Variants in CLDN11 observed in about 807,000 individuals in gnomAD.
CLDN11 encodes claudin 11.
In CLDN11, 1 loss-of-function variant was observed where a neutral mutation model predicts 18.0. The ratio of observed to expected loss-of-function variants is 0.06; its 90% confidence interval spans 0.02 to 0.26. The LOEUF (loss-of-function observed/expected upper bound fraction) is 0.26, where lower values mean the gene tolerates loss of function less well. CLDN11 is among the 10% of genes least tolerant of loss of function. CLDN11 has a pLI of 1.00. For missense variants in CLDN11, 172 were observed against 276.6 expected (o/e 0.62, Z 2.68); for synonymous variants, 116 against 121.5 (o/e 0.96, Z 0.30).
At chr3:170,423,520 T>C (rs10513681) in intron 2 of CLDN11, 193 bp downstream of exon 2, 18,109 of 580,924 alleles carry the variant, frequency 0.031, 1,056 homozygotes, top group African/African-American at 0.18. Context: ...GTAATGTCTC[T>C]GGGAGTCACT....
chr3:170,427,817 A>G (rs1432386358), intron 2 of CLDN11, among the ~76,000 whole-genome samples: 5 of 151,110 alleles, frequency 3.3e-5, no homozygotes. Flanking sequence ...AAAAAAAAAA[A>G]AAAAAAAGAA....
intron 1 of CLDN11, among the ~76,000 whole-genome samples, chr3:170,421,930 G>C (rs537034281): frequency 6.6e-6 from 1 of 151,994 alleles, no homozygotes; most frequent in Non-Finnish European, 1.5e-5. Context: ...TCCTTGATTC[G>C]CAATTGTTTC....
At chr3:170,428,884 AG>A (rs1186369926) in intron 2 of CLDN11, among the ~76,000 whole-genome samples, 2 of 152,232 alleles carry the variant, frequency 1.3e-5, no homozygotes, top group East Asian at 3.8e-4. Context: ...TTGACCTTAC[AG>A]GTAACTGACT....
intron 2 of CLDN11, among the ~76,000 whole-genome samples, chr3:170,429,093 C>T (rs9865021): frequency 0.42 from 64,628 of 152,086 alleles, 14,190 homozygotes; most frequent in South Asian, 0.48. Context: ...TTTAACTTTA[C>T]TGGTCAAAAC....
intron 2 of CLDN11, among the ~76,000 whole-genome samples, chr3:170,423,925 T>C (rs1316862688): frequency 6.7e-6 from 1 of 149,082 alleles, no homozygotes; most frequent in Non-Finnish European, 1.5e-5. Flanking sequence ...GGGGCGGGGG[T>C]TGCTAAGGCA....
At chr3:170,428,402 G>A (rs575997334) in intron 2 of CLDN11, among the ~76,000 whole-genome samples, 13 of 152,228 alleles carry the variant, frequency 8.5e-5, no homozygotes, top group South Asian at 4.2e-4. Context: ...AATATTTTCT[G>A]TTTGGTCACA....
chr3:170,420,331 A>G (rs1200314020), intron 1 of CLDN11, among the ~76,000 whole-genome samples: 1 of 152,080 alleles, frequency 6.6e-6, no homozygotes, highest in Non-Finnish European at 1.5e-5. Flanking sequence ...GCCTTCGTGG[A>G]TTGTGCTCAC....
intron 2 of CLDN11, among the ~76,000 whole-genome samples, chr3:170,429,636 C>A (rs1738948118): frequency 1.3e-5 from 2 of 152,126 alleles, no homozygotes. Context: ...TAAAACCTAA[C>A]AAAATCCCTA....
In CLDN11 at chr3:170,419,264, GC is replaced by G; in HGVS notation, c.202del (p.Leu68TrpfsTer17). 1 of 1,568,342 alleles carries G rather than the reference GC, an allele frequency of 6.4e-7. No homozygotes were observed. The highest frequency in any genetic ancestry group is 8.6e-7 in the Non-Finnish European group (1 of 1,156,336). ...VMATGLYHCKPLVDILILPGY... is the reference protein window; with the variant it reads ...VMATGLYHCKXLVDILILPGY... ...TGGCCACGGGGCTGTACCACTGCAA[GC>G]CCCTGGTGGACATCCTCATCCTGCC... On this transcript the variant is annotated frameshift_variant, in exon 1 of 3. Coordinates refer to ENST00000064724, the MANE Select transcript of CLDN11 (RefSeq NM_005602.6). LOFTEE classifies it high-confidence loss of function. The surrounding 1 kb of genome is among the most constrained non-coding windows in gnomAD (Gnocchi z 8.6).
rs1262117216 is a variant in CLDN11 at position 170,433,018 on chromosome 3, A to G, written c.*262A>G. ...GCCCCTATTAGCTCTTTTCTTGGGC[A>G]TTCTTTTGCTGTTTATTAAAAATAT... On this transcript the variant is annotated 3_prime_UTR_variant, in exon 3 of 3. Coordinates refer to ENST00000064724, the MANE Select transcript of CLDN11 (RefSeq NM_005602.6). The G allele has an allele frequency of 3.8e-6, 1 of 265,474 alleles. No homozygotes were observed. The highest frequency in any genetic ancestry group is 2.9e-5 in the African/African-American group (1 of 34,726). 16.4% of individuals were successfully genotyped at this position (265,474 alleles called of 1,614,324 possible).
In CLDN11 at chr3:170,434,589, C is replaced by CAGAAACTTCTGTT. The variant is rs1344889616; in HGVS notation, c.*1833_*1834insAGAAACTTCTGTT. Among the ~76,000 whole-genome samples, 1 of 152,108 alleles carries CAGAAACTTCTGTT rather than the reference C, an allele frequency of 6.6e-6. No homozygotes were observed. The highest frequency in any genetic ancestry group is 1.5e-5 in the Non-Finnish European group (1 of 68,022). ...GTTGATTTTTATTTGTTTTTCTGTT[C>CAGAAACTTCTGTT]CAGAAACTTCATCAAGTTACGGGCC... On this transcript the variant is annotated 3_prime_UTR_variant, in exon 3 of 3. Coordinates refer to ENST00000064724, the MANE Select transcript of CLDN11 (RefSeq NM_005602.6).
At chr3:170,428,475 A>G (rs140613336) in intron 2 of CLDN11, among the ~76,000 whole-genome samples, 1 of 152,194 alleles carries the variant, frequency 6.6e-6, no homozygotes, top group African/African-American at 2.4e-5. Context: ...ATTGTGTTGC[A>G]TTATTTGAAA....
intron 2 of CLDN11, among the ~76,000 whole-genome samples, chr3:170,431,917 G>A (rs1412876905): frequency 1.3e-5 from 2 of 152,206 alleles, no homozygotes; most frequent in Non-Finnish European, 2.9e-5. Context: ...ACCACAGCAA[G>A]AGAAATTTCA....
chr3:170,431,803 T>C (rs1455345881), intron 2 of CLDN11, among the ~76,000 whole-genome samples: 2 of 152,238 alleles, frequency 1.3e-5, no homozygotes, highest in African/African-American at 2.4e-5. Flanking sequence ...TGAGTTTTTC[T>C]ACTCCAAGGA....
Position 170,433,910 on chromosome 3 carries a change from C to T in CLDN11, c.*1154C>T, listed in dbSNP as rs1273273579. The T allele has an allele frequency of 6.6e-6, 1 of 152,522 alleles. No individual in the cohort carries two copies. The highest frequency in any genetic ancestry group is 1.5e-5 in the Non-Finnish European group (1 of 68,026). The allele number at this position is 152,522 out of a possible 1,614,324, so 9.4% of individuals were successfully genotyped here. A position where few individuals can be genotyped will look rare whatever the true frequency, so the allele number is the denominator to read the frequency against. On this transcript the variant is annotated 3_prime_UTR_variant, in exon 3 of 3. Coordinates refer to ENST00000064724, the MANE Select transcript of CLDN11 (RefSeq NM_005602.6). ...ATTTTTAAAGCTTTCCCCCACTTTT[C>T]TCTCTATTTGTATTGTTAGCCATCT...
At chr3:170,424,940 T>TGC (rs141668855) in intron 2 of CLDN11, among the ~76,000 whole-genome samples, 50 of 84,248 alleles carry the variant, frequency 5.9e-4, no homozygotes, top group Middle Eastern at 4.6e-3. Context: ...TGTGTGTGTG[T>TGC]GCGCGCGTGT....
intron 2 of CLDN11, among the ~76,000 whole-genome samples, chr3:170,431,156 T>A (rs1738994063): frequency 6.6e-6 from 1 of 152,154 alleles, no homozygotes; most frequent in Non-Finnish European, 1.5e-5. Flanking sequence ...TATACAAGGC[T>A]GTTAGATTTG....
Position 170,432,798 on chromosome 3 carries a change from G to C in CLDN11, c.*42G>C. ...CCCACAGAGGTGCTGTAGATGCTGG[G>C]CCCAGGGCCCTAGGTTTGCTCGTCA... On this transcript the variant is annotated 3_prime_UTR_variant, in exon 3 of 3. Coordinates refer to ENST00000064724, the MANE Select transcript of CLDN11 (RefSeq NM_005602.6). 1 of 1,583,498 alleles carries C rather than the reference G, an allele frequency of 6.3e-7. No individual in the cohort carries two copies. The highest frequency in any genetic ancestry group is 8.7e-7 in the Non-Finnish European group (1 of 1,152,326).
In CLDN11 at chr3:170,419,176, C is replaced by T; in HGVS notation, c.110C>T (p.Thr37Ile). The change falls in exon 1 of 3, where the codon ACC becomes ATC. Residue 37 changes from threonine to isoleucine, a missense_variant. Physicochemically the swap from Thr to Ile is moderately conservative, Grantham distance 89. Transcript: ENST00000064724. This position sits in a 1 kb window ranked among gnomAD's most constrained non-coding sequence, Gnocchi z 8.6. ...GACTGGGTGGTGACCTGCGGCTACACCATCCCCACCTGCCGCAAGCTGGAT... is the reference window on the plus strand; with the variant it reads ...GACTGGGTGGTGACCTGCGGCTACATCATCCCCACCTGCCGCAAGCTGGAT... ...TNDWVVTCGY[T>I]IPTCRKLDEL... 6.4e-7 allele frequency: 1 copy of T among 1,555,366 alleles called. No homozygotes were observed. Among genetic ancestry groups the T allele is most frequent in the Non-Finnish European group, 8.7e-7 (1 of 1,149,876 alleles).
Sources: gnomAD v4.1 joint callset for allele counts (sites outside exome capture counted in the v4.1 genomes callset) on GRCh38, gnomAD v4.1.1 for gene constraint, Gnocchi (gnomAD v3.1) non-coding constraint, MANE v1.5 for transcripts, NCBI Gene and HGNC (gene_info 2026-07-23, HGNC 2026-07-21) for gene names.